The following ZNF354C variants were observed in gnomAD, a reference collection of about 807,000 sequenced individuals.
ZNF354C encodes the protein KRAB-zinc finger protein synten.
Under a neutral mutation model 12.4 loss-of-function variants are expected in ZNF354C, and 7 were observed. That is an observed-to-expected ratio of 0.56 (90% CI 0.32 to 1.06). The LOEUF is 1.06. Among genes scored for constraint, ZNF354C ranks in the 50% least tolerant of loss-of-function variants. ZNF354C has a pLI of 0.04. For missense variants in ZNF354C, 609 were observed against 658.0 expected (o/e 0.93, Z 0.81); for synonymous variants, 202 against 224.5 (o/e 0.90, Z 0.90).
chr5:179,073,141 TGAAA>T (rs2113118043), intron 2 of ZNF354C, among the ~76,000 whole-genome samples: 1 of 152,232 alleles, frequency 6.6e-6, no homozygotes, highest in South Asian at 2.1e-4. Flanking sequence ...TTTTACATGC[TGAAA>T]GAGAGAGACA....
At position 179,082,315 on chromosome 5, in the gene ZNF354C, G is replaced by A. The variant is rs1657734452; in HGVS notation, c.*2218G>A. On this transcript the variant is annotated 3_prime_UTR_variant, in exon 5 of 5. Coordinates refer to ENST00000315475, the MANE Select transcript of ZNF354C (RefSeq NM_014594.3). ...TGAAGCATGTGTGATCATCCTTGAT[G>A]TACTGCCGAAAATGTTTACCTCAAA... 1 of 206,716 alleles carries A rather than the reference G, an allele frequency of 4.8e-6. No individual in the cohort carries two copies. The highest frequency in any genetic ancestry group is 2.4e-5 in the African/African-American group (1 of 42,076). 12.8% of individuals were successfully genotyped at this position (206,716 alleles called of 1,614,324 possible). A position where few individuals can be genotyped will look rare whatever the true frequency, so the allele number is the denominator to read the frequency against.
At chr5:179,071,426 C>G (rs535433269) in intron 2 of ZNF354C, among the ~76,000 whole-genome samples, 2 of 147,384 alleles carry the variant, frequency 1.4e-5, no homozygotes, top group East Asian at 4.0e-4. Context: ...ACATGTGCTT[C>G]CAGCTTCTGG....
intron 2 of ZNF354C, among the ~76,000 whole-genome samples, chr5:179,064,501 C>T (rs1265160380): frequency 6.6e-6 from 1 of 152,044 alleles, no homozygotes; most frequent in Non-Finnish European, 1.5e-5. Flanking sequence ...ACTGCAAGCT[C>T]CGCCTCCCGG....
rs1318715861 is a variant in ZNF354C at position 179,060,957 on chromosome 5, A to G, written c.-55+291A>G. Among the ~76,000 whole-genome samples, 3 of 152,212 alleles carry G rather than the reference A, an allele frequency of 2.0e-5. No homozygotes were observed. The highest frequency in any genetic ancestry group is 4.4e-5 in the Non-Finnish European group (3 of 68,036). ...CCAGATGTAACTGGGGCCTGGGGCT[A>G]GGATCAGGATTGCCTTCCCGGCCCT... On this transcript the variant is annotated intron_variant, in intron 1 of 4. Transcript: ENST00000315475. This position sits in a 1 kb window ranked among gnomAD's most constrained non-coding sequence, Gnocchi z 4.2.
Position 179,072,921 on chromosome 5 carries a change from C to T in ZNF354C, c.28-3524C>T, listed in dbSNP as rs551120849. Among the ~76,000 whole-genome samples, 9 of 152,096 alleles carry T rather than the reference C, an allele frequency of 5.9e-5. No individual in the cohort carries two copies. The South Asian group carries it at 6.2e-4, about 11-fold the overall frequency. On this transcript the variant is annotated intron_variant, in intron 2 of 4. Transcript: ENST00000315475. ...TATGTATTTTATACAGATAACATAT[C>T]GCAATTCAGAAGAGCCACATTTCAT...
chr5:179,063,880 T>G (rs1345685553), intron 2 of ZNF354C, among the ~76,000 whole-genome samples: 1 of 152,202 alleles, frequency 6.6e-6, no homozygotes, highest in Non-Finnish European at 1.5e-5. Context: ...GTTACTATGA[T>G]CAGTATCAGT....
rs1277675766 is a variant in ZNF354C at position 179,060,737 on chromosome 5, T to C, written c.-55+71T>C. 6.6e-6 allele frequency: 1 copy of C among 152,262 alleles called. No individual in the cohort carries two copies. Among genetic ancestry groups the C allele is most frequent in the Non-Finnish European group, 1.5e-5 (1 of 68,060 alleles). 9.4% of individuals were successfully genotyped at this position (152,262 alleles called of 1,614,324 possible). On this transcript the variant is annotated intron_variant, in intron 1 of 4. Transcript: ENST00000315475. This position sits in a 1 kb window ranked among gnomAD's most constrained non-coding sequence, Gnocchi z 4.2. ...TGTCGTTGTTCATTCTGCGATTTTC[T>C]TCTGTGCATTTTCTTCTGAGTAACG...
chr5:179,064,418 AC>A (rs527840616), intron 2 of ZNF354C, among the ~76,000 whole-genome samples: 57 of 128,808 alleles, frequency 4.4e-4, no homozygotes, highest in African/African-American at 1.6e-3. Flanking sequence ...CCAATATGTA[AC>A]CCCCCTTTTT....
intron 2 of ZNF354C, among the ~76,000 whole-genome samples, chr5:179,075,322 T>G (rs1762103641): frequency 1.3e-5 from 2 of 151,544 alleles, no homozygotes; most frequent in Admixed American, 1.3e-4. Context: ...CTCAGGAGGC[T>G]GAGGCAGGAG....
Position 179,079,090 on chromosome 5 carries a change from G to C in ZNF354C, c.658G>C (p.Glu220Gln). 2.5e-6 allele frequency: 4 copies of C among 1,613,884 alleles called. No homozygotes were observed. The highest frequency in any genetic ancestry group is 2.5e-6 in the Non-Finnish European group (3 of 1,180,004). The stretch of plus-strand genomic sequence containing the variant: ...AGGAGGAAAACCTCACATCTGTAAT[G>C]AATGTGGGAAGAGCTTCAAGCAGAA... ...YPGGKPHICN[E>Q]CGKSFKQNLH... is the part of the protein sequence containing the mutation. The change falls in exon 5 of 5, where the codon GAA becomes CAA. Residue 220 changes from glutamate to glutamine, a missense_variant. Transcript: ENST00000315475. This position sits in a 1 kb window ranked among gnomAD's most constrained non-coding sequence, Gnocchi z 4.2.
At chr5:179,072,851 T>C in intron 2 of ZNF354C, among the ~76,000 whole-genome samples, 1 of 152,324 alleles carries the variant, frequency 6.6e-6, no homozygotes. Flanking sequence ...TATGTATGTA[T>C]ATGTTGTATG....
intron 4 of ZNF354C, among the ~76,000 whole-genome samples, chr5:179,078,353 G>A (rs959039509): frequency 1.3e-5 from 2 of 152,146 alleles, no homozygotes; most frequent in African/African-American, 4.8e-5. Context: ...GTATCCCATG[G>A]TATTCAGCGT....
At chr5:179,063,610 G>T (rs1157832330) in intron 2 of ZNF354C, among the ~76,000 whole-genome samples, 1 of 152,150 alleles carries the variant, frequency 6.6e-6, no homozygotes, top group African/African-American at 2.4e-5. Context: ...TGTGAGCCAG[G>T]TTCTATGTAT....
In ZNF354C at chr5:179,077,161, G is replaced by C. The variant is rs754570552; in HGVS notation, c.245G>C (p.Arg82Pro). Residue 82 changes from arginine (R) to proline (P), a missense_variant, in exon 4 of 5, where the codon CGT (arginine) becomes CCT (proline). Arg to Pro is a moderately radical substitution (Grantham distance 103). Transcript: ENST00000315475. The stretch of plus-strand genomic sequence containing the variant: ...GAAAGAGAAGTCCCTTCAGATACCC[G>C]TCTAGGTAAGTGAGAGGCTGGGAAA... ...MVEREVPSDTRLGFKTWLETE... is the reference protein window; with the variant it reads ...MVEREVPSDTPLGFKTWLETE... The C allele has an allele frequency of 3.7e-6, 6 of 1,613,532 alleles. No individual in the cohort carries two copies. The East Asian group carries it at 6.7e-5, about 18-fold the overall frequency.
In ZNF354C at chr5:179,080,140, G is replaced by A. The variant is rs760187264; in HGVS notation, c.*43G>A. 1.9e-5 allele frequency: 27 copies of A among 1,404,846 alleles called. No homozygotes were observed. Among genetic ancestry groups the A allele is most frequent in the Non-Finnish European group, 2.6e-5 (27 of 1,037,536 alleles). The allele number at this position is 1,404,846 out of a possible 1,614,324, so 87.0% of individuals were successfully genotyped here. Reference sequence around the variant, plus strand: ...CCAAGACTTCTCACTGGGGAATAAGGGAATAATAAATAGGGTACAAACTCC... The same window carrying A: ...CCAAGACTTCTCACTGGGGAATAAGAGAATAATAAATAGGGTACAAACTCC... On this transcript the variant is annotated 3_prime_UTR_variant, in exon 5 of 5. Coordinates refer to ENST00000315475, the MANE Select transcript of ZNF354C (RefSeq NM_014594.3).
rs558302365 is a variant in ZNF354C, at chr5:179,083,763, C to G, written c.*3666C>G. Among the ~76,000 whole-genome samples the G allele has an allele frequency of 6.6e-6, 1 of 152,188 alleles. No individual in the cohort carries two copies. Among genetic ancestry groups the G allele is most frequent in the Non-Finnish European group, 1.5e-5 (1 of 68,036 alleles). The stretch of plus-strand genomic sequence containing the variant: ...CCTCAAAAGTAATGATTGATAACAA[C>G]AGGCAGATTTGGGAAGGAAACTAGA... On this transcript the variant is annotated 3_prime_UTR_variant, in exon 5 of 5. Coordinates refer to ENST00000315475, the MANE Select transcript of ZNF354C (RefSeq NM_014594.3).
chr5:179,079,328 C>T lies in ZNF354C; in HGVS notation c.896C>T (p.Pro299Leu), dbSNP rs369070172. 8.1e-6 allele frequency: 13 copies of T among 1,614,074 alleles called. No individual in the cohort carries two copies. The highest frequency in any genetic ancestry group is 3.3e-5 in the Admixed American group (2 of 60,014). ...CTGAGAGTGCATACTGGAGAGAAACCGTATCGATGTAGGGAATGTGGTAAA... is the reference window on the plus strand; with the variant it reads ...CTGAGAGTGCATACTGGAGAGAAACTGTATCGATGTAGGGAATGTGGTAAA... ...KHLRVHTGEK[P>L]YRCRECGKAF... is the part of the protein sequence containing the mutation. Residue 299 changes from proline to leucine, a missense_variant, in exon 5 of 5, where the codon CCG (proline) becomes CTG (leucine). Transcript: ENST00000315475. The surrounding 1 kb of genome is among the most constrained non-coding windows in gnomAD (Gnocchi z 4.2).
At position 179,082,827 on chromosome 5, in the gene ZNF354C, G is replaced by A. The variant is rs999811321; in HGVS notation, c.*2730G>A. 5.4e-6 allele frequency: 7 copies of A among 1,300,458 alleles called. No homozygotes were observed. In the Admixed American group the frequency reaches 1.2e-4, roughly 22 times the overall value. The allele number at this position is 1,300,458 out of a possible 1,614,324, so 80.6% of individuals were successfully genotyped here. A position where few individuals can be genotyped will look rare whatever the true frequency, so the allele number is the denominator to read the frequency against. Reference sequence around the variant, plus strand: ...GCGACTGACCAACCGATCAGGTCGAGGAGCTGCAACAGCCTTGGGGCCCTC... The same window carrying A: ...GCGACTGACCAACCGATCAGGTCGAAGAGCTGCAACAGCCTTGGGGCCCTC... On this transcript the variant is annotated 3_prime_UTR_variant, in exon 5 of 5. Coordinates refer to ENST00000315475, the MANE Select transcript of ZNF354C (RefSeq NM_014594.3).
At chr5:179,061,428 GTGCCTTAATCC>G (rs1365871824) in intron 1 of ZNF354C, among the ~76,000 whole-genome samples, 2 of 152,190 alleles carry the variant, frequency 1.3e-5, no homozygotes, top group East Asian at 3.9e-4. Context: ...GGTGGGGACA[GTGCCTTAATCC>G]TGTTACCTTG....
Sources: allele counts gnomAD v4.1 joint callset (sites outside exome capture counted in the v4.1 genomes callset), GRCh38; gene constraint gnomAD v4.1.1; non-coding constraint Gnocchi (gnomAD v3.1); transcripts MANE v1.5; gene names NCBI Gene and HGNC (gene_info 2026-07-23, HGNC 2026-07-21).